ADAMTSL1: variants seen among roughly 807,000 people sequenced by gnomAD.
ADAMTSL1 encodes the protein ADAMTS like 1, also known as ADAMTS-like protein 1.
ADAMTSL1 carries 126 observed loss-of-function variants against 201.8 expected under a neutral mutation model. The ratio of observed to expected loss-of-function variants is 0.62; its 90% CI spans 0.54 to 0.72. ADAMTSL1 has a LOEUF of 0.72. Among genes scored for constraint, ADAMTSL1 ranks in the 30% least tolerant of loss-of-function variants. The probability of loss-of-function intolerance (pLI) is 0.00; values close to 1 mark genes in which losing one functional copy is unlikely to be tolerated. For missense variants in ADAMTSL1, 2,679 were observed against 2,277.8 expected (o/e 1.18, Z -3.59); for synonymous variants, 1,121 against 903.4 (o/e 1.24, Z -4.32).
chr9:18,810,045 G>A (rs1047668495), intron 20 of ADAMTSL1, among the ~76,000 whole-genome samples: 3 of 152,172 alleles, frequency 2.0e-5, no homozygotes, highest in African/African-American at 7.2e-5. Flanking sequence ...GGTAGATTTG[G>A]AGTCAGAGCT....
chr9:18,381,431 G>A (rs150692383), intron 2 of ADAMTSL1, among the ~76,000 whole-genome samples: 1 of 152,272 alleles, frequency 6.6e-6, no homozygotes, highest in Non-Finnish European at 1.5e-5. Flanking sequence ...TTTTATAAAT[G>A]ATAAAGCTAT....
At chr9:18,456,517 A>G (rs1820612080) in intron 2 of ADAMTSL1, among the ~76,000 whole-genome samples, 1 of 152,316 alleles carries the variant, frequency 6.6e-6, no homozygotes, top group Admixed American at 6.5e-5. Context: ...CAGGGACATC[A>G]TTGGCAGCCT....
intron 2 of ADAMTSL1, among the ~76,000 whole-genome samples, chr9:18,362,777 G>A (rs544710168): frequency 4.6e-5 from 7 of 152,218 alleles, no homozygotes; most frequent in East Asian, 1.9e-4. Flanking sequence ...GTTATTAACT[G>A]GAATACTGAG....
intron 2 of ADAMTSL1, among the ~76,000 whole-genome samples, chr9:18,212,025 C>G (rs16936442): frequency 0.12 from 18,440 of 152,134 alleles, 1,312 homozygotes; most frequent in East Asian, 0.24. Flanking sequence ...ACCTGGGACT[C>G]TCCTAGGGTT....
intron 9 of ADAMTSL1, among the ~76,000 whole-genome samples, chr9:18,675,495 A>G (rs1216729003): frequency 6.6e-6 from 1 of 152,196 alleles, no homozygotes; most frequent in Non-Finnish European, 1.5e-5. Context: ...TAACATGAAT[A>G]ATGATGATAA....
intron 1 of ADAMTSL1, among the ~76,000 whole-genome samples, chr9:18,148,149 C>G (rs947186248): frequency 1.3e-5 from 2 of 151,818 alleles, no homozygotes; most frequent in Non-Finnish European, 1.5e-5. Context: ...CAACAAAAAC[C>G]TGACAAACTT....
intron 19 of ADAMTSL1, among the ~76,000 whole-genome samples, chr9:18,785,610 A>G (rs1316421385): frequency 6.6e-6 from 1 of 152,200 alleles, no homozygotes; most frequent in Non-Finnish European, 1.5e-5. Flanking sequence ...CAGTCATTCT[A>G]TATAAACACT....
intron 1 of ADAMTSL1, among the ~76,000 whole-genome samples, chr9:18,081,876 T>C (rs900802256): frequency 1.4e-4 from 22 of 152,222 alleles, no homozygotes; most frequent in Admixed American, 4.6e-4. Context: ...GTGAAAATAC[T>C]AGCGTATGCT....
intron 15 of ADAMTSL1, among the ~76,000 whole-genome samples, chr9:18,746,257 C>G (rs1588033950): frequency 6.6e-6 from 1 of 152,258 alleles, no homozygotes; most frequent in East Asian, 1.9e-4. Context: ...TAATGACAGT[C>G]CAAGAACCTG....
rs1817879894 is a variant in ADAMTSL1 at position 17,964,164 on chromosome 9, CCTT to C, written c.87+57245_87+57247del. ...ACACACTATACATAGAAAAATAAAT[CCTT>C]CTGGGTAGTAAAAATATTTCCTTGG... On this transcript the variant is annotated intron_variant, in intron 1 of 29. Coordinates refer to the ADAMTSL1 transcript ENST00000680146. Among the ~76,000 whole-genome samples the C allele has an allele frequency of 2.0e-5, 3 of 152,148 alleles. No individual in the cohort carries two copies. In the South Asian group the frequency reaches 6.2e-4, roughly 32 times the overall value.
At chr9:18,662,380 C>T (rs1353300965) in intron 9 of ADAMTSL1, among the ~76,000 whole-genome samples, 1 of 152,158 alleles carries the variant, frequency 6.6e-6, no homozygotes, top group Non-Finnish European at 1.5e-5. Context: ...TAACAAGGTC[C>T]AGGCCAATGG....
chr9:18,027,809 G>A (rs2131597565), intron 1 of ADAMTSL1, among the ~76,000 whole-genome samples: 1 of 152,072 alleles, frequency 6.6e-6, no homozygotes, highest in South Asian at 2.1e-4. Flanking sequence ...ATGCTGTCAG[G>A]TGGCTACTGA....
At chr9:18,722,961 T>G (rs1269893338) in intron 15 of ADAMTSL1, 3 of 758,280 alleles carry the variant, frequency 4.0e-6, no homozygotes, top group African/African-American at 1.7e-5. Context: ...TGAGCCTAAA[T>G]GTGTGGGCAA....
intron 3 of ADAMTSL1, among the ~76,000 whole-genome samples, chr9:18,558,017 T>A (rs1415237221): frequency 6.6e-6 from 1 of 152,034 alleles, no homozygotes; most frequent in African/African-American, 2.4e-5. Flanking sequence ...GTTGCTTTTT[T>A]AAAAAAATAT....
At chr9:18,519,322 A>G (rs1461903676) in intron 2 of ADAMTSL1, among the ~76,000 whole-genome samples, 1 of 152,218 alleles carries the variant, frequency 6.6e-6, no homozygotes, top group Non-Finnish European at 1.5e-5. Context: ...TGAGTTAAAC[A>G]TAGGGTAAGA....
intron 2 of ADAMTSL1, among the ~76,000 whole-genome samples, chr9:18,169,000 A>C (rs1389822763): frequency 1.4e-5 from 2 of 147,944 alleles, no homozygotes; most frequent in African/African-American, 5.0e-5. Flanking sequence ...AATTTGTTTG[A>C]GTTCATTGTA....
At chr9:18,461,296 C>T (rs553557662) in intron 2 of ADAMTSL1, among the ~76,000 whole-genome samples, 4 of 152,092 alleles carry the variant, frequency 2.6e-5, no homozygotes, top group African/African-American at 9.6e-5. Context: ...ATCTTTTTCT[C>T]TTTAATTTTG....
rs768840565 is a variant in ADAMTSL1 at position 18,887,846 on chromosome 9, G to A, written c.4265G>A (p.Gly1422Asp). The change falls in exon 24 of 29, where the codon GGT becomes GAT. Residue 1422 changes from glycine (G) to aspartate (D), a missense_variant. Physicochemically the swap from Gly to Asp is moderately conservative, Grantham distance 94. Coordinates refer to ENST00000380548, the MANE Select transcript of ADAMTSL1 (RefSeq NM_001040272.6). Reference sequence around the variant, plus strand: ...CTCCTTCTAGGCTGCCCCATCAAAGGTCACCCTGTCCCTAATATCACCTGG... The same window carrying A: ...CTCCTTCTAGGCTGCCCCATCAAAGATCACCCTGTCCCTAATATCACCTGG... ...NSALLGCPIK[G>D]HPVPNITWFH... The A allele has an allele frequency of 6.2e-7, 1 of 1,613,706 alleles. No homozygotes were observed. The highest frequency in any genetic ancestry group is 2.2e-5 in the East Asian group (1 of 44,870).
intron 2 of ADAMTSL1, among the ~76,000 whole-genome samples, chr9:18,165,354 T>C (rs1827585802): frequency 6.6e-6 from 1 of 151,906 alleles, no homozygotes; most frequent in African/African-American, 2.4e-5. Context: ...TAAAGGAAAT[T>C]GAATAATATG....
Sources: allele counts gnomAD v4.1 joint callset (sites outside exome capture counted in the v4.1 genomes callset), GRCh38; gene constraint gnomAD v4.1.1; transcripts MANE v1.5; gene names NCBI Gene and HGNC (gene_info 2026-07-23, HGNC 2026-07-21).